Variants in SH3TC2 observed in about 807,000 individuals in gnomAD.
SH3TC2 encodes the protein SH3 domain and tetratricopeptide repeat-containing protein 2.
A neutral mutation model predicts 124.5 loss-of-function variants in SH3TC2; 87 were observed. The ratio of observed to expected loss-of-function variants is 0.70; its 90% CI spans 0.59 to 0.84. The LOEUF is 0.84. Among genes scored for constraint, SH3TC2 ranks in the 40% least tolerant of loss-of-function variants. The pLI is 0.00. For synonymous variants in SH3TC2, 634 were observed against 628.5 expected, an observed-to-expected ratio of 1.01 and a Z score of -0.13; for missense variants, 1,536 against 1,566.4, an observed-to-expected ratio of 0.98 and a Z score of 0.33.
Position 149,027,749 on chromosome 5 carries a change from G to A in SH3TC2, c.1983C>T (p.Leu661=). ...EVLPFAERLQ[L]LSGHPPASEA... ...CAGAGGCAGGAGGGTGTCCAGAGAG[G>A]AGCTGCAGGCGCTCGGCAAAGGGCA... Residue 661 remains leucine, a synonymous_variant, in exon 11 of 17, where the codon CTC becomes CTT. Coordinates refer to ENST00000515425, the MANE Select transcript of SH3TC2 (RefSeq NM_024577.4). 6 of 1,613,988 alleles carry A rather than the reference G, an allele frequency of 3.7e-6. No individual in the cohort carries two copies. The highest frequency in any genetic ancestry group is 5.1e-6 in the Non-Finnish European group (6 of 1,179,940).
chr5:148,984,930 T>C lies in SH3TC2; in HGVS notation c.*19781A>G, dbSNP rs968844695. On this transcript the variant is annotated 3_prime_UTR_variant, in exon 17 of 17. Coordinates refer to ENST00000515425, the MANE Select transcript of SH3TC2 (RefSeq NM_024577.4). ...AGCATAATGGGTTATAGAGGTACCA[T>C]TTACAAAGTGTATAAAACAGGACAG... Among the ~76,000 whole-genome samples the C allele has an allele frequency of 2.6e-5, 4 of 152,168 alleles. No individual in the cohort carries two copies. Among genetic ancestry groups the C allele is most frequent in the Non-Finnish European group, 5.9e-5 (4 of 68,032 alleles).
In SH3TC2 at chr5:148,996,153, G is replaced by A. The variant is rs1185953213; in HGVS notation, c.*8558C>T. On this transcript the variant is annotated 3_prime_UTR_variant, in exon 17 of 17. Coordinates refer to ENST00000515425, the MANE Select transcript of SH3TC2 (RefSeq NM_024577.4). ...TGTAGTCCCAGCTACTCGGGAGGCT[G>A]AAGTGGGAGGATCACCCAAGCACCT... is the stretch of plus-strand genomic sequence containing the variant. Among the ~76,000 whole-genome samples, 1 of 152,034 alleles carries A rather than the reference G, an allele frequency of 6.6e-6. No individual in the cohort carries two copies.
In SH3TC2 at chr5:149,038,496, G is replaced by C; in HGVS notation, c.806-6C>G. On this transcript the variant is annotated splice_region_variant and splice_polypyrimidine_tract_variant and intron_variant, in intron 7 of 16. Coordinates refer to ENST00000515425, the MANE Select transcript of SH3TC2 (RefSeq NM_024577.4). ...GGCCTTACAGCGTCCTCTGCCTGTG[G>C]AAAATAGCACACAGATCAGCTACAG... 1 of 1,613,786 alleles carries C rather than the reference G, an allele frequency of 6.2e-7. No homozygotes were observed. Among genetic ancestry groups the C allele is most frequent in the Non-Finnish European group, 8.5e-7 (1 of 1,179,764 alleles).
chr5:149,013,543 A>T (rs1753820064), intron 12 of SH3TC2, among the ~76,000 whole-genome samples: 1 of 152,222 alleles, frequency 6.6e-6, no homozygotes, highest in South Asian at 2.1e-4. Context: ...TGCATGAATG[A>T]GTGACAACAG....
At chr5:149,015,187 G>A (rs530699025) in intron 12 of SH3TC2, among the ~76,000 whole-genome samples, 3 of 152,278 alleles carry the variant, frequency 2.0e-5, no homozygotes, top group East Asian at 1.9e-4. Flanking sequence ...CAGCACCATT[G>A]AGACTCCTTG....
intron 12 of SH3TC2, 133 bp from the exon 13 acceptor site, chr5:149,012,867 A>T: frequency 4.0e-6 from 4 of 994,378 alleles, no homozygotes; most frequent in Non-Finnish European, 6.3e-6. Flanking sequence ...GGCCTGATTG[A>T]ATGCCAGCTC....
chr5:149,018,238 C>T (rs1753908044), intron 12 of SH3TC2, among the ~76,000 whole-genome samples: 1 of 152,130 alleles, frequency 6.6e-6, no homozygotes, highest in Non-Finnish European at 1.5e-5. Context: ...ATAATTTTCA[C>T]TATGGATGTT....
intron 1 of SH3TC2, among the ~76,000 whole-genome samples, chr5:149,056,495 C>A (rs972876993): frequency 6.6e-6 from 1 of 152,106 alleles, no homozygotes; most frequent in African/African-American, 2.4e-5. Context: ...GTTAATGGTA[C>A]ATTTTTATGA....
At chr5:149,061,252 C>T (rs2127405612) in intron 1 of SH3TC2, among the ~76,000 whole-genome samples, 1 of 152,190 alleles carries the variant, frequency 6.6e-6, no homozygotes, top group East Asian at 1.9e-4. Context: ...TGTTTGTTTT[C>T]AGCTGCGTAA....
At chr5:149,038,594 G>A in intron 7 of SH3TC2, 104 bp from the exon 8 acceptor site, 1 of 1,228,010 alleles carries the variant, frequency 8.1e-7, no homozygotes, top group Non-Finnish European at 1.2e-6. Flanking sequence ...ACTTTAGAAT[G>A]TCAAGGACCA....
intron 16 of SH3TC2, 67 bp downstream of exon 16, chr5:149,006,814 T>G: frequency 6.6e-7 from 1 of 1,506,608 alleles, no homozygotes; most frequent in South Asian, 1.1e-5. Flanking sequence ...CTCCTCATTG[T>G]CTTTGAGTCA....
Position 149,027,256 on chromosome 5 carries a change from G to C in SH3TC2, c.2476C>G (p.Leu826Val). Residue 826 changes from leucine to valine, a missense_variant, in exon 11 of 17, where the codon CTG (leucine) becomes GTG (valine). Leu to Val is a conservative substitution (Grantham distance 32). Coordinates refer to ENST00000515425, the MANE Select transcript of SH3TC2 (RefSeq NM_024577.4). ...LDVLEPLLCS[L>V]KETESLTQRG... Reference sequence around the variant, plus strand: ...TGAGTGAGACTCTCTGTCTCCTTCAGGGAGCATAGCAGTGGCTCAAGCACA... The same window carrying C: ...TGAGTGAGACTCTCTGTCTCCTTCACGGAGCATAGCAGTGGCTCAAGCACA... 6.2e-7 allele frequency: 1 copy of C among 1,614,168 alleles called. No homozygotes were observed. The highest frequency in any genetic ancestry group is 8.5e-7 in the Non-Finnish European group (1 of 1,180,044).
chr5:149,044,911 T>C (rs1030513600), intron 3 of SH3TC2: 11 of 309,882 alleles, frequency 3.5e-5, no homozygotes, highest in Non-Finnish European at 5.5e-5. Context: ...AATACTGCTA[T>C]ACAGCGGCAG....
intron 12 of SH3TC2, among the ~76,000 whole-genome samples, chr5:149,014,822 C>G (rs1020393828): frequency 6.6e-6 from 1 of 152,218 alleles, no homozygotes; most frequent in Non-Finnish European, 1.5e-5. Context: ...CCTGCAAACT[C>G]AAGCCGGGTT....
chr5:149,003,768 T>C lies in SH3TC2; in HGVS notation c.*943A>G, dbSNP rs1183043797. On this transcript the variant is annotated 3_prime_UTR_variant, in exon 17 of 17. Coordinates refer to ENST00000515425, the MANE Select transcript of SH3TC2 (RefSeq NM_024577.4). ...CAGGAGGTTGACACTGGAGGATCAC[T>C]TGAGCCCCGGAGTCTGAGGTCGCAG... 2.2e-6 allele frequency: 1 copy of C among 450,078 alleles called. No homozygotes were observed. 27.9% of individuals were successfully genotyped at this position (450,078 alleles called of 1,614,324 possible). A position where few individuals can be genotyped will look rare whatever the true frequency, so the allele number is the denominator to read the frequency against.
intron 3 of SH3TC2, chr5:149,047,503 A>T (rs1754484290): frequency 6.9e-6 from 2 of 291,946 alleles, no homozygotes; most frequent in South Asian, 3.4e-5. Context: ...GTATCACAGT[A>T]AAAAAAAAGA....
In SH3TC2 at chr5:149,027,139, T is replaced by C. The variant is rs1561764593; in HGVS notation, c.2593A>G (p.Arg865Gly). The change falls in exon 11 of 17, where the codon AGA becomes GGA. Residue 865 changes from arginine (R) to glycine (G), a missense_variant. Physicochemically the swap from Arg to Gly is moderately radical, Grantham distance 125. Around this residue, in one of 3 missense-constraint regions of SH3TC2, gnomAD observed 1,102 missense variants for 1,098.6 expected, o/e 1.00. Transcript: ENST00000515425. Reference protein sequence around the residue: ...AAKSYLRALNRAQEVGDVHNQ... With the variant: ...AAKSYLRALNGAQEVGDVHNQ... ...TGCACATCTCCCACCTCCTGGGCTCTGTTCAAGGCCCGAAGATAGCTCTTG... is the reference window on the plus strand; with the variant it reads ...TGCACATCTCCCACCTCCTGGGCTCCGTTCAAGGCCCGAAGATAGCTCTTG... 3 of 1,614,168 alleles carry C rather than the reference T, an allele frequency of 1.9e-6. No homozygotes were observed. Among genetic ancestry groups the C allele is most frequent in the South Asian group, 2.2e-5 (2 of 91,082 alleles).
At chr5:149,051,627 T>A (rs1237849107) in intron 2 of SH3TC2, among the ~76,000 whole-genome samples, 1 of 152,012 alleles carries the variant, frequency 6.6e-6, no homozygotes, top group Non-Finnish European at 1.5e-5. Flanking sequence ...AATTTTTTGA[T>A]TTTTTGTTTA....
chr5:149,037,005 C>A (rs1754293584), intron 8 of SH3TC2, among the ~76,000 whole-genome samples: 1 of 152,110 alleles, frequency 6.6e-6, no homozygotes. Flanking sequence ...GAGAAAAGGT[C>A]CAGTCATATA....
Sources: gnomAD v4.1 joint callset for allele counts (sites outside exome capture counted in the v4.1 genomes callset) on GRCh38, gnomAD v4.1.1 for gene constraint, gnomAD v4.1.1 regional missense constraint, MANE v1.5 for transcripts, NCBI Gene and HGNC (gene_info 2026-07-23, HGNC 2026-07-21) for gene names.